The following KLRK1 variants were observed in gnomAD, a reference collection of about 807,000 sequenced individuals.
KLRK1 encodes the protein NKG2-D type II integral membrane protein.
A neutral mutation model predicts 31.3 loss-of-function variants in KLRK1; 40 were observed. The observed-to-expected ratio is 1.28, with a 90% CI of 0.99 to 1.67. The LOEUF (loss-of-function observed/expected upper bound fraction) is 1.67. Ranked by LOEUF, KLRK1 falls within the 40% of genes most tolerant of loss-of-function variation. KLRK1 has a pLI of 0.00. For synonymous variants in KLRK1, 77 were observed against 77.3 expected (o/e 1.00, Z 0.02); for missense variants, 251 against 260.0 (o/e 0.97, Z 0.24).
chr12:10,380,035 T>C (rs1170432638), intron 3 of KLRK1, among the ~76,000 whole-genome samples: 1 of 116,946 alleles, frequency 8.6e-6, no homozygotes, highest in Non-Finnish European at 1.9e-5. Flanking sequence ...GAGTAAATTA[T>C]GCTTATGATT....
At chr12:10,387,216 G>C (rs2733845) in intron 2 of KLRK1, among the ~76,000 whole-genome samples, 122,002 of 152,122 alleles carry the variant, frequency 0.8, 48,956 homozygotes, top group South Asian at 0.88. Flanking sequence ...TTATGCCATG[G>C]AAAGTACCCT....
intron 1 of KLRK1, among the ~76,000 whole-genome samples, chr12:10,389,555 T>C (rs1450196378): frequency 6.6e-6 from 1 of 152,174 alleles, no homozygotes; most frequent in Non-Finnish European, 1.5e-5. Context: ...TTGTTTCACC[T>C]TGCATGTAAA....
chr12:10,377,180 C>A (rs540889146), intron 7 of KLRK1, among the ~76,000 whole-genome samples: 4 of 152,284 alleles, frequency 2.6e-5, no homozygotes, highest in Non-Finnish European at 4.4e-5. Flanking sequence ...ACTTCTCTGT[C>A]AGATTTTCTC....
intron 7 of KLRK1, among the ~76,000 whole-genome samples, chr12:10,375,837 G>A (rs1232982948): frequency 3.9e-5 from 6 of 152,148 alleles, no homozygotes; most frequent in South Asian, 2.1e-4. Context: ...TAAGATCAGT[G>A]AACATTAAGA....
At chr12:10,387,621 C>G (rs576862737) in intron 2 of KLRK1, among the ~76,000 whole-genome samples, 1 of 151,124 alleles carries the variant, frequency 6.6e-6, no homozygotes, top group South Asian at 2.1e-4. Context: ...TATTGGCTCA[C>G]TGCAACCGCC....
At chr12:10,375,286 A>AT (rs1425796835) in intron 7 of KLRK1, among the ~76,000 whole-genome samples, 1 of 152,216 alleles carries the variant, frequency 6.6e-6, no homozygotes, top group African/African-American at 2.4e-5. Context: ...TTTTTTAGTC[A>AT]TTTAATAGTA....
At chr12:10,378,446 G>A in intron 6 of KLRK1, 108 bp downstream of exon 6, 1 of 1,520,732 alleles carries the variant, frequency 6.6e-7, no homozygotes. Flanking sequence ...GTTGGTATTA[G>A]AATAACCAAG....
At chr12:10,388,705 A>G in intron 2 of KLRK1, 66 bp downstream of exon 2, 2 of 1,601,922 alleles carry the variant, frequency 1.2e-6, no homozygotes, top group Non-Finnish European at 1.7e-6. Context: ...ATATGCTTGT[A>G]TGAAATTCTT....
At chr12:10,389,070 T>G (rs1863224661) in intron 1 of KLRK1, 195 bp from the exon 2 acceptor site, 1 of 452,940 alleles carries the variant, frequency 2.2e-6, no homozygotes, top group East Asian at 3.2e-5. Flanking sequence ...TAATCGCCAA[T>G]TACTTCAAAA....
At chr12:10,377,261 T>C (rs57449593) in intron 7 of KLRK1, among the ~76,000 whole-genome samples, 8,382 of 152,186 alleles carry the variant, frequency 0.055, 763 homozygotes, top group African/African-American at 0.19. Context: ...TGTGGCACTT[T>C]AAAAAAAGTT....
intron 1 of KLRK1, 100 bp downstream of exon 1, chr12:10,389,843 G>T (rs541071824): frequency 6.6e-6 from 1 of 152,032 alleles, no homozygotes; most frequent in Middle Eastern, 3.2e-3. Flanking sequence ...GAAACAATTA[G>T]AATTACCTTA....
At chr12:10,379,636 A>T in intron 4 of KLRK1, 64 bp downstream of exon 4, 1 of 1,485,582 alleles carries the variant, frequency 6.7e-7, no homozygotes, top group Non-Finnish European at 9.1e-7. Flanking sequence ...GAATACTAAC[A>T]AAAATAATAC....
At chr12:10,388,387 G>T (rs2137822627) in intron 2 of KLRK1, among the ~76,000 whole-genome samples, 1 of 152,182 alleles carries the variant, frequency 6.6e-6, no homozygotes, top group South Asian at 2.1e-4. Flanking sequence ...AGATAAATAT[G>T]GAATGTTTCA....
chr12:10,373,994 A>G (rs1267474377), intron 7 of KLRK1: 1 of 152,218 alleles, frequency 6.6e-6, no homozygotes, highest in Non-Finnish European at 1.5e-5. Context: ...GGAGAAAACT[A>G]TTCTTAAAGA....
chr12:10,376,577 T>A (rs1862970861), intron 7 of KLRK1, among the ~76,000 whole-genome samples: 1 of 152,106 alleles, frequency 6.6e-6, no homozygotes, highest in Non-Finnish European at 1.5e-5. Flanking sequence ...AAAAAAGGTT[T>A]CAAATCAACA....
intron 6 of KLRK1, 65 bp from the exon 7 acceptor site, chr12:10,378,300 C>A (rs1221885767): frequency 3.9e-6 from 6 of 1,524,800 alleles, no homozygotes; most frequent in Non-Finnish European, 5.4e-6. Flanking sequence ...AACGCAAGAC[C>A]ATAACCATTT....
chr12:10,379,633 AAC>A (rs1355259524), intron 4 of KLRK1, 65 bp downstream of exon 4: 2 of 1,476,064 alleles, frequency 1.4e-6, no homozygotes, highest in African/African-American at 2.8e-5. Flanking sequence ...TATGAATACT[AAC>A]AAAAATAATA....
chr12:10,379,061 G>A (rs1000455309), intron 5 of KLRK1: 1 of 191,150 alleles, frequency 5.2e-6, no homozygotes, highest in Non-Finnish European at 1.1e-5. Flanking sequence ...GCTGAGGCAG[G>A]AGAATTGCTT....
intron 3 of KLRK1, among the ~76,000 whole-genome samples, chr12:10,382,428 G>A (rs983967879): frequency 6.6e-6 from 1 of 152,056 alleles, no homozygotes; most frequent in Non-Finnish European, 1.5e-5. Flanking sequence ...AGGCCAAGAG[G>A]AAGTGGGGTG....
Sources: allele counts gnomAD v4.1 joint callset (sites outside exome capture counted in the v4.1 genomes callset), GRCh38; gene constraint gnomAD v4.1.1; transcripts MANE v1.5; gene names NCBI Gene and HGNC (gene_info 2026-07-23, HGNC 2026-07-21).